The following HTR7 variants were observed in gnomAD, a reference collection of about 807,000 sequenced individuals.
HTR7 encodes the protein 5-HT-7.
HTR7 carries 16 observed loss-of-function variants against 34.0 expected under a neutral mutation model. The observed-to-expected ratio is 0.47, with a 90% CI of 0.32 to 0.71. The LOEUF (loss-of-function observed/expected upper bound fraction) is 0.71, where lower values mean the gene tolerates loss of function less well. Ranked by LOEUF, HTR7 falls within the 30% of genes least tolerant of loss-of-function variation. The pLI is 0.04. For missense variants in HTR7, 504 were observed against 625.5 expected (o/e 0.81, Z 2.07); for synonymous variants, 265 against 260.2 (o/e 1.02, Z -0.18).
intron 1 of HTR7, among the ~76,000 whole-genome samples, chr10:90,806,838 G>C (rs1411870217): frequency 6.6e-6 from 1 of 152,110 alleles, no homozygotes; most frequent in Non-Finnish European, 1.5e-5. Flanking sequence ...GCCAAACCAA[G>C]TTCTGATGAG....
intron 1 of HTR7, among the ~76,000 whole-genome samples, chr10:90,785,009 G>A (rs7904560): frequency 0.25 from 37,508 of 152,042 alleles, 4,772 homozygotes; most frequent in African/African-American, 0.32. Context: ...CTAGGATGCC[G>A]TGTCCTCCAG....
chr10:90,764,413 G>A (rs1332879113), intron 1 of HTR7, among the ~76,000 whole-genome samples: 1 of 152,116 alleles, frequency 6.6e-6, no homozygotes, highest in Non-Finnish European at 1.5e-5. Context: ...TAAGTTGTCT[G>A]ATCACTCTGT....
chr10:90,818,994 C>T (rs1845938585), intron 1 of HTR7, among the ~76,000 whole-genome samples: 1 of 152,150 alleles, frequency 6.6e-6, no homozygotes, highest in East Asian at 1.9e-4. Context: ...TTGAAAGTTT[C>T]CTGAGGCCTC....
chr10:90,793,125 T>C (rs1041046155), intron 1 of HTR7, among the ~76,000 whole-genome samples: 1 of 152,120 alleles, frequency 6.6e-6, no homozygotes, highest in African/African-American at 2.4e-5. Context: ...ACCCATGGAA[T>C]GAGAGAAAAT....
intron 1 of HTR7, among the ~76,000 whole-genome samples, chr10:90,757,576 C>A (rs1844854300): frequency 1.3e-5 from 2 of 152,164 alleles, no homozygotes; most frequent in South Asian, 2.1e-4. Context: ...CCCTACACTT[C>A]CGGGCAACTG....
chr10:90,750,919 G>A (rs1275035050), intron 1 of HTR7, among the ~76,000 whole-genome samples: 1 of 152,134 alleles, frequency 6.6e-6, no homozygotes. Context: ...TACTGGACAG[G>A]TTCTGTTCCA....
Position 90,785,546 on chromosome 10 carries a change from TAACAC to T in HTR7, c.540-35957_540-35953del, listed in dbSNP as rs544224154. Among the ~76,000 whole-genome samples, 600 of 152,108 alleles carry T rather than the reference TAACAC, an allele frequency of 3.9e-3. 4 individuals carry two copies. Among genetic ancestry groups the T allele is most frequent in the Non-Finnish European group, 4.9e-3 (332 of 67,986 alleles). ...CCCCAGACACACACACTTCTCCATA[TAACAC>T]ATGACTCAGTACCTGGTGCACAGGC... On this transcript the variant is annotated intron_variant, in intron 1 of 3. Transcript: ENST00000336152.
chr10:90,839,465 G>A (rs1444532511), intron 1 of HTR7, among the ~76,000 whole-genome samples: 2 of 152,148 alleles, frequency 1.3e-5, no homozygotes, highest in African/African-American at 2.4e-5. Context: ...CATTTAAAAG[G>A]AAGAAAGCTA....
At chr10:90,851,335 G>A (rs7908324) in intron 1 of HTR7, among the ~76,000 whole-genome samples, 2,148 of 152,220 alleles carry the variant, frequency 0.014, 50 homozygotes, top group African/African-American at 0.048. Flanking sequence ...GGCTGGGTGC[G>A]TTGGCTCACA....
At chr10:90,851,174 G>A (rs780273459) in intron 1 of HTR7, among the ~76,000 whole-genome samples, 4 of 152,296 alleles carry the variant, frequency 2.6e-5, no homozygotes, top group Middle Eastern at 3.4e-3. Context: ...TACCTTCCAT[G>A]GAGTGATAAT....
At chr10:90,831,795 G>C (rs1025828881) in intron 1 of HTR7, among the ~76,000 whole-genome samples, 4 of 152,144 alleles carry the variant, frequency 2.6e-5, no homozygotes, top group Non-Finnish European at 5.9e-5. Flanking sequence ...GTGTCGACTG[G>C]TGTATTTACA....
intron 1 of HTR7, among the ~76,000 whole-genome samples, chr10:90,824,753 G>T (rs1271193728): frequency 6.6e-6 from 1 of 152,242 alleles, no homozygotes; most frequent in Admixed American, 6.5e-5. Context: ...CATGGGCCTG[G>T]GGTAATGGTG....
rs76370724 is a variant in HTR7 at position 90,802,994 on chromosome 10, GC to G, written c.540-53401del. 2.2e-3 allele frequency among the ~76,000 whole-genome samples: 285 copies of G among 129,686 alleles called. 2 individuals are homozygous for G. The highest frequency in any genetic ancestry group is 7.9e-3 in the African/African-American group (268 of 33,936). 85.1% of individuals were successfully genotyped at this position (129,686 alleles called of 152,430 possible). A position where few individuals can be genotyped will look rare whatever the true frequency, so the allele number is the denominator to read the frequency against. ...AAAAATGAGTTGTACCCCATTTGTG[GC>G]CTTTTTTTTTTTTTTTTTTTTTTGC... On this transcript the variant is annotated intron_variant, in intron 1 of 3. Coordinates refer to ENST00000336152, the MANE Select transcript of HTR7 (RefSeq NM_019859.4).
intron 1 of HTR7, among the ~76,000 whole-genome samples, chr10:90,775,654 CAT>C (rs1214102042): frequency 6.6e-6 from 1 of 152,156 alleles, no homozygotes; most frequent in Non-Finnish European, 1.5e-5. Context: ...CTTGGCCTGA[CAT>C]ATTTTTTAGT....
chr10:90,830,136 C>T (rs1392831422), intron 1 of HTR7, among the ~76,000 whole-genome samples: 2 of 152,122 alleles, frequency 1.3e-5, no homozygotes, highest in Non-Finnish European at 2.9e-5. Context: ...GTATACCCAC[C>T]AATAGCGAAC....
At chr10:90,759,707 C>T (rs1361234719) in intron 1 of HTR7, among the ~76,000 whole-genome samples, 1 of 147,458 alleles carries the variant, frequency 6.8e-6, no homozygotes, top group Non-Finnish European at 1.5e-5. Flanking sequence ...ATGGCTATTA[C>T]TGAACTTGTT....
chr10:90,845,009 T>C (rs1846392383), intron 1 of HTR7, among the ~76,000 whole-genome samples: 3 of 151,604 alleles, frequency 2.0e-5, no homozygotes, highest in East Asian at 1.9e-4. Context: ...CTACTGTGAG[T>C]GCCCAACTGA....
At chr10:90,750,534 C>T (rs1014018023) in intron 1 of HTR7, among the ~76,000 whole-genome samples, 29 of 151,946 alleles carry the variant, frequency 1.9e-4, no homozygotes, top group African/African-American at 6.8e-4. Context: ...TTTTGGAAAG[C>T]TAGGAGCACT....
intron 1 of HTR7, among the ~76,000 whole-genome samples, chr10:90,853,681 A>G (rs931300161): frequency 2.4e-4 from 36 of 152,144 alleles, no homozygotes; most frequent in Non-Finnish European, 1.3e-4. Flanking sequence ...AAGATATTCT[A>G]TATCTTGATT....
Sources: gnomAD v4.1 joint callset for allele counts (sites outside exome capture counted in the v4.1 genomes callset) on GRCh38, gnomAD v4.1.1 for gene constraint, MANE v1.5 for transcripts, NCBI Gene and HGNC (gene_info 2026-07-23, HGNC 2026-07-21) for gene names.